The following GFM2 variants were observed in gnomAD, a reference collection of about 807,000 sequenced individuals.
GFM2 encodes the protein GTP dependent ribosome recycling factor mitochondrial 2, also known as ribosome-releasing factor 2, mitochondrial.
A neutral mutation model predicts 95.4 loss-of-function variants in GFM2; 72 were observed. The observed-to-expected ratio is 0.76, with a 90% CI of 0.62 to 0.92. The LOEUF (loss-of-function observed/expected upper bound fraction) is 0.92. Ranked by LOEUF, GFM2 falls within the 40% of genes least tolerant of loss-of-function variation. GFM2 has a pLI of 0.00. For missense variants in GFM2, 825 were observed against 924.1 expected, an observed-to-expected ratio of 0.89 and a Z score of 1.39; for synonymous variants, 276 against 317.5, an observed-to-expected ratio of 0.87 and a Z score of 1.39.
chr5:74,733,163 G>A, intron 15 of GFM2, 65 bp from the exon 16 acceptor site: 4 of 1,185,666 alleles, frequency 3.4e-6, no homozygotes, highest in Non-Finnish European at 3.7e-6. Flanking sequence ...ATGTTCTAGT[G>A]GGTAAAACAG....
At chr5:74,732,634 G>A (rs1467842051) in intron 16 of GFM2, among the ~76,000 whole-genome samples, 1 of 151,950 alleles carries the variant, frequency 6.6e-6, no homozygotes, top group Non-Finnish European at 1.5e-5. Context: ...CATTTTAGGT[G>A]TTTTACTGTC....
chr5:74,735,943 G>C (rs1167912132), intron 15 of GFM2, among the ~76,000 whole-genome samples: 1 of 152,158 alleles, frequency 6.6e-6, no homozygotes, highest in Non-Finnish European at 1.5e-5. Context: ...ATATGTCTCA[G>C]TGCTGGCCAA....
At chr5:74,724,033 A>G (rs1333241494) in intron 19 of GFM2, among the ~76,000 whole-genome samples, 2 of 152,134 alleles carry the variant, frequency 1.3e-5, no homozygotes, top group African/African-American at 4.8e-5. Context: ...AAGCAGAGAG[A>G]AGGAGATTCC....
intron 1 of GFM2, among the ~76,000 whole-genome samples, chr5:74,766,090 G>A (rs1744579915): frequency 1.3e-5 from 2 of 152,192 alleles, no homozygotes; most frequent in Non-Finnish European, 2.9e-5. Context: ...TGGATCGCTC[G>A]TACCCGGGAG....
chr5:74,761,772 C>T lies in GFM2; in HGVS notation c.64-786G>A, dbSNP rs533738551. The stretch of plus-strand genomic sequence containing the variant: ...TCATGTAAAGGCTGAATATTCTCCA[C>T]CTCAGTTTATGCCCAGACCACTAGA... On this transcript the variant is annotated intron_variant, in intron 2 of 20. Transcript: ENST00000296805. 9.9e-5 allele frequency among the ~76,000 whole-genome samples: 15 copies of T among 152,248 alleles called. No homozygotes were observed. The East Asian group carries it at 2.9e-3, about 29-fold the overall frequency.
intron 19 of GFM2, among the ~76,000 whole-genome samples, chr5:74,724,263 GGTCAAT>G (rs1490893023): frequency 1.3e-5 from 2 of 151,970 alleles, no homozygotes; most frequent in Non-Finnish European, 2.9e-5. Context: ...GAGGGCTTGG[GGTCAAT>G]TTAGAAACTG....
intron 10 of GFM2, among the ~76,000 whole-genome samples, chr5:74,743,365 C>T (rs771693821): frequency 6.6e-6 from 1 of 152,310 alleles, no homozygotes; most frequent in East Asian, 1.9e-4. Context: ...ATTTACATTC[C>T]TACCAACAGT....
chr5:74,741,656 T>A, intron 10 of GFM2, 47 bp from the exon 11 acceptor site: 1 of 983,284 alleles, frequency 1.0e-6, no homozygotes, highest in Non-Finnish European at 1.6e-6. Context: ...TTACTTTCAT[T>A]AACTATTAAT....
At position 74,733,058 on chromosome 5, in the gene GFM2, G is replaced by C; in HGVS notation, c.1551C>G (p.Pro517=). The change falls in exon 16 of 21, where the codon CCC becomes CCG. Residue 517 remains proline, a synonymous_variant. Transcript: ENST00000296805. ...HALKCLQRED[P]SLKVRLDPDS... is the part of the protein sequence containing the mutation. ...CAGGATCTAGCCTCACTTTCAAACTGGGATCTTCACGCTGAAGACATTTCA... is the reference window on the plus strand; with the variant it reads ...CAGGATCTAGCCTCACTTTCAAACTCGGATCTTCACGCTGAAGACATTTCA... 1 of 1,612,526 alleles carries C rather than the reference G, an allele frequency of 6.2e-7. No individual in the cohort carries two copies. Among genetic ancestry groups the C allele is most frequent in the Non-Finnish European group, 8.5e-7 (1 of 1,178,976 alleles).
At chr5:74,729,430 T>TTAC (rs1750309826) in intron 17 of GFM2, among the ~76,000 whole-genome samples, 1 of 152,208 alleles carries the variant, frequency 6.6e-6, no homozygotes, top group Non-Finnish European at 1.5e-5. Flanking sequence ...TTTTCCCAGA[T>TTAC]TACTACTCCT....
At position 74,726,395 on chromosome 5, in the gene GFM2, G is replaced by C. The variant is rs114172835; in HGVS notation, c.1727-269C>G. Among the ~76,000 whole-genome samples the C allele has an allele frequency of 0.017, 2,530 of 152,216 alleles. 42 individuals carry two copies. The highest frequency in any genetic ancestry group is 0.045 in the South Asian group (215 of 4,826). On this transcript the variant is annotated intron_variant, in intron 17 of 20. Coordinates refer to ENST00000296805, the MANE Select transcript of GFM2 (RefSeq NM_032380.5). ...GATATGTTGAGGCACATGTTACGAA[G>C]ATTATACTTTTAAACTTTTCAAAAT...
chr5:74,738,612 C>T lies in GFM2; in HGVS notation c.1110G>A (p.Leu370=). 1.2e-6 allele frequency: 2 copies of T among 1,613,250 alleles called. No individual in the cohort carries two copies. Among genetic ancestry groups the T allele is most frequent in the African/African-American group, 2.7e-5 (2 of 74,922 alleles). Residue 370 remains leucine, a synonymous_variant, in exon 13 of 21, where the codon TTG becomes TTA. Transcript: ENST00000296805. The part of the protein sequence containing the change: ...LQWYKDDLCA[L]AFKVLHDKQR... ...GCTTGTCATGGAGAACTTTAAATGCCAATGCACATAAGTCATCCTTATACC... is the reference window on the plus strand; with the variant it reads ...GCTTGTCATGGAGAACTTTAAATGCTAATGCACATAAGTCATCCTTATACC...
At chr5:74,756,821 T>C (rs986079153) in intron 5 of GFM2, among the ~76,000 whole-genome samples, 3 of 152,116 alleles carry the variant, frequency 2.0e-5, no homozygotes, top group South Asian at 2.1e-4. Context: ...AACTCAGGAA[T>C]GGAAAACTGA....
At chr5:74,732,799 T>C (rs1742635865) in intron 16 of GFM2, among the ~76,000 whole-genome samples, 1 of 152,208 alleles carries the variant, frequency 6.6e-6, no homozygotes, top group South Asian at 2.1e-4. Flanking sequence ...AGTTTATAAA[T>C]GTGAAGTGTA....
intron 16 of GFM2, among the ~76,000 whole-genome samples, chr5:74,731,716 TG>T (rs1394940715): frequency 2.6e-5 from 4 of 152,158 alleles, no homozygotes; most frequent in African/African-American, 9.7e-5. Context: ...TAAAATGACT[TG>T]TTTATAGGTA....
At chr5:74,754,389 G>A (rs769418155) in intron 5 of GFM2, among the ~76,000 whole-genome samples, 1 of 150,706 alleles carries the variant, frequency 6.6e-6, no homozygotes, top group Non-Finnish European at 1.5e-5. Flanking sequence ...GAATGGAAAT[G>A]ACCTAAATGT....
chr5:74,736,904 T>G lies in GFM2; in HGVS notation c.1402A>C (p.Lys468Gln), dbSNP rs750488896. ...ARRAEREGEK[K>Q]HRQNNEAERL... ...TCTGCTTCATTGTTTTGTCTGTGCT[T>G]CTTTTCTCCCTCCCGTTCGGCTCTA... The change falls in exon 15 of 21, where the codon AAG becomes CAG. Residue 468 changes from lysine to glutamine, a missense_variant. Physicochemically the swap from Lys to Gln is moderately conservative, Grantham distance 53 (BLOSUM62 1). Coordinates refer to ENST00000296805, the MANE Select transcript of GFM2 (RefSeq NM_032380.5). 6 of 1,613,848 alleles carry G rather than the reference T, an allele frequency of 3.7e-6. No homozygotes were observed. The highest frequency in any genetic ancestry group is 2.2e-5 in the East Asian group (1 of 44,866).
intron 1 of GFM2, chr5:74,765,144 C>T: frequency 8.5e-7 from 1 of 1,173,430 alleles, no homozygotes. Context: ...AGTCTCTCCA[C>T]AGTTGTGACT....
At chr5:74,741,678 C>T (rs1268494004) in intron 10 of GFM2, 69 bp from the exon 11 acceptor site, 21 of 754,970 alleles carry the variant, frequency 2.8e-5, no homozygotes, top group Admixed American at 5.4e-5. Context: ...TGTCCAAACA[C>T]CATAAACAGA....
Sources: allele counts gnomAD v4.1 joint callset (sites outside exome capture counted in the v4.1 genomes callset), GRCh38; gene constraint gnomAD v4.1.1; transcripts MANE v1.5; gene names NCBI Gene and HGNC (gene_info 2026-07-23, HGNC 2026-07-21).